Variants in TRAPPC9 observed in about 807,000 individuals in gnomAD.
The protein encoded by TRAPPC9 is trafficking protein particle complex subunit 9.
In TRAPPC9, 83 loss-of-function variants were observed where a neutral mutation model predicts 124.0. The ratio of observed to expected loss-of-function variants is 0.67; its 90% CI spans 0.56 to 0.80. The LOEUF (loss-of-function observed/expected upper bound fraction) is 0.80, where lower values mean the gene tolerates loss of function less well. Ranked by LOEUF, TRAPPC9 falls within the 30% of genes least tolerant of loss-of-function variation. The pLI is 0.00. For missense variants in TRAPPC9, 1,302 were observed against 1,508.3 expected (o/e 0.86, Z 2.27); for synonymous variants, 638 against 617.5 (o/e 1.03, Z -0.49).
intron 2 of TRAPPC9, among the ~76,000 whole-genome samples, chr8:140,443,304 T>G (rs374364373): frequency 6.8e-6 from 1 of 147,690 alleles, no homozygotes; most frequent in Non-Finnish European, 1.5e-5. Flanking sequence ...GGCGTGGTGG[T>G]GGGCGCCTGT....
intron 7 of TRAPPC9, among the ~76,000 whole-genome samples, chr8:140,381,110 C>T (rs937944664): frequency 6.7e-6 from 1 of 150,302 alleles, no homozygotes; most frequent in African/African-American, 2.4e-5. Context: ...GAGGCTGAGG[C>T]AGGAGAATTG....
At chr8:139,918,477 T>C (rs2131322757) in intron 19 of TRAPPC9, among the ~76,000 whole-genome samples, 1 of 152,356 alleles carries the variant, frequency 6.6e-6, no homozygotes, top group East Asian at 1.9e-4. Context: ...TGAGTTCATA[T>C]GAGTGGAAAT....
intron 17 of TRAPPC9, among the ~76,000 whole-genome samples, chr8:140,146,240 T>C (rs2061460261): frequency 6.6e-6 from 1 of 152,278 alleles, no homozygotes; most frequent in African/African-American, 2.4e-5. Flanking sequence ...TACTCAATTC[T>C]TCTACATGCT....
chr8:140,398,177 T>C (rs2069150796), intron 6 of TRAPPC9, among the ~76,000 whole-genome samples: 1 of 152,252 alleles, frequency 6.6e-6, no homozygotes, highest in African/African-American at 2.4e-5. Context: ...GTAAGTCCAG[T>C]TAAACCTCTT....
chr8:140,395,504 G>A (rs145441172), intron 7 of TRAPPC9, among the ~76,000 whole-genome samples: 2 of 152,238 alleles, frequency 1.3e-5, no homozygotes, highest in East Asian at 1.9e-4. Flanking sequence ...ATGCTAAAGC[G>A]CCTCTCTTTT....
At chr8:140,380,671 A>G (rs1048454107) in intron 7 of TRAPPC9, among the ~76,000 whole-genome samples, 9 of 150,852 alleles carry the variant, frequency 6.0e-5, no homozygotes, top group African/African-American at 2.2e-4. Context: ...AAAAAAAAAA[A>G]AAAAAAAAGA....
chr8:140,322,523 A>T (rs1191535249), intron 9 of TRAPPC9, among the ~76,000 whole-genome samples: 3 of 152,192 alleles, frequency 2.0e-5, no homozygotes, highest in African/African-American at 7.2e-5. Flanking sequence ...TTAAATAGAG[A>T]TATGGCTTAA....
chr8:140,090,456 G>A (rs560074401), intron 17 of TRAPPC9, among the ~76,000 whole-genome samples: 4 of 152,282 alleles, frequency 2.6e-5, no homozygotes, highest in African/African-American at 9.6e-5. Context: ...TTCTTCACCT[G>A]ACATTAAACA....
At chr8:140,371,815 T>C (rs767294642) in intron 7 of TRAPPC9, among the ~76,000 whole-genome samples, 1 of 152,174 alleles carries the variant, frequency 6.6e-6, no homozygotes, top group Non-Finnish European at 1.5e-5. Context: ...GAGATTCTCC[T>C]GCCTCATCCT....
At chr8:140,044,874 G>C (rs938663037) in intron 17 of TRAPPC9, among the ~76,000 whole-genome samples, 2 of 152,130 alleles carry the variant, frequency 1.3e-5, no homozygotes, top group Non-Finnish European at 2.9e-5. Context: ...TCACTCTAAA[G>C]ACTAAGAATA....
intron 5 of TRAPPC9, among the ~76,000 whole-genome samples, chr8:140,407,521 C>G (rs2069536448): frequency 6.6e-6 from 1 of 151,950 alleles, no homozygotes. Context: ...GAGGGAAATC[C>G]CCCCGACGGA....
chr8:140,136,118 A>G (rs2061299022), intron 17 of TRAPPC9, among the ~76,000 whole-genome samples: 1 of 152,238 alleles, frequency 6.6e-6, no homozygotes, highest in South Asian at 2.1e-4. Context: ...TTGGAGAGGG[A>G]GGTAGGTACA....
At chr8:140,210,046 G>C (rs2063019647) in intron 17 of TRAPPC9, among the ~76,000 whole-genome samples, 1 of 152,242 alleles carries the variant, frequency 6.6e-6, no homozygotes, top group Admixed American at 6.5e-5. Context: ...GAAGTAATCT[G>C]TAAACACTGT....
At chr8:139,784,624 T>TGAC (rs1162955681) in intron 21 of TRAPPC9, among the ~76,000 whole-genome samples, 1 of 141,502 alleles carries the variant, frequency 7.1e-6, no homozygotes, top group African/African-American at 2.5e-5. Context: ...TATATATATA[T>TGAC]ATATATATAT....
Position 140,252,786 on chromosome 8 carries a change from G to T in TRAPPC9, c.2422C>A (p.Leu808Ile). The part of the protein sequence containing the change: ...FSCQENLLQD[L>I]SDDGISVSGF... ...TTAGGAAAGCGCTTACCATCACTGA[G>T]ATCCTGCAGGAGATTCTCCTGGCAG... Residue 808 changes from leucine to isoleucine, a missense_variant, in exon 16 of 23, where the codon CTC becomes ATC. Physicochemically the swap from Leu to Ile is conservative, Grantham distance 5. Transcript: ENST00000438773. This position sits in a 1 kb window ranked among gnomAD's most constrained non-coding sequence, Gnocchi z 4.2. 1 of 1,613,960 alleles carries T rather than the reference G, an allele frequency of 6.2e-7. No homozygotes were observed. Among genetic ancestry groups the T allele is most frequent in the Non-Finnish European group, 8.5e-7 (1 of 1,180,022 alleles).
At chr8:140,173,509 G>C (rs1037161003) in intron 17 of TRAPPC9, among the ~76,000 whole-genome samples, 1 of 142,502 alleles carries the variant, frequency 7.0e-6, no homozygotes, top group Non-Finnish European at 1.5e-5. Context: ...AGCCGAGATC[G>C]CACCACTGCA....
At chr8:140,091,659 T>C (rs1189608081) in intron 17 of TRAPPC9, among the ~76,000 whole-genome samples, 1 of 152,150 alleles carries the variant, frequency 6.6e-6, no homozygotes, top group Admixed American at 6.5e-5. Flanking sequence ...GTGATCTAGA[T>C]AACAGCAGAG....
chr8:139,794,791 A>G (rs1301818256), intron 21 of TRAPPC9, among the ~76,000 whole-genome samples: 1 of 152,220 alleles, frequency 6.6e-6, no homozygotes, highest in African/African-American at 2.4e-5. Context: ...ACAGCAATCC[A>G]ACCATACAAG....
chr8:140,195,306 C>T (rs372878919), intron 17 of TRAPPC9, among the ~76,000 whole-genome samples: 8 of 151,444 alleles, frequency 5.3e-5, no homozygotes, highest in South Asian at 4.2e-4. Context: ...ACACACTCAA[C>T]GATCCATCGT....
Sources: gnomAD v4.1 joint callset for allele counts (sites outside exome capture counted in the v4.1 genomes callset) on GRCh38, gnomAD v4.1.1 for gene constraint, Gnocchi (gnomAD v3.1) non-coding constraint, MANE v1.5 for transcripts, NCBI Gene and HGNC (gene_info 2026-07-23, HGNC 2026-07-21) for gene names.